CFAP44: variants seen among roughly 807,000 people sequenced by gnomAD.
CFAP44 encodes the protein cilia and flagella associated protein 44, also known as cilia- and flagella-associated protein 44.
A neutral mutation model predicts 216.2 loss-of-function variants in CFAP44; 134 were observed. The observed-to-expected ratio is 0.62, with a 90% CI of 0.54 to 0.72. The LOEUF is 0.72. Among genes scored for constraint, CFAP44 ranks in the 30% least tolerant of loss-of-function variants. The probability of loss-of-function intolerance (pLI) is 0.00; values close to 1 mark genes in which losing one functional copy is unlikely to be tolerated. For synonymous variants in CFAP44, 700 were observed against 727.6 expected, an observed-to-expected ratio of 0.96 and a Z score of 0.61; for missense variants, 2,035 against 2,182.1, an observed-to-expected ratio of 0.93 and a Z score of 1.34.
Position 113,401,582 on chromosome 3 carries a change from A to C in CFAP44, c.1326+2T>G. ...GAGCCAAGAGACAAGAATGCAACAC[A>C]CCTGAGCCAACCAAAAGTTATTTCC... On this transcript the variant is annotated splice_donor_variant, in intron 10 of 34. Coordinates refer to ENST00000393845, the MANE Select transcript of CFAP44 (RefSeq NM_001164496.2). LOFTEE classifies it high-confidence loss of function. 6.2e-7 allele frequency: 1 copy of C among 1,613,002 alleles called. No homozygotes were observed. The highest frequency in any genetic ancestry group is 8.5e-7 in the Non-Finnish European group (1 of 1,179,608).
At chr3:113,332,412 C>T (rs1234827942) in intron 25 of CFAP44, among the ~76,000 whole-genome samples, 2 of 152,170 alleles carry the variant, frequency 1.3e-5, no homozygotes, top group East Asian at 1.9e-4. Flanking sequence ...CAGAAAAAGA[C>T]ACCCCTTCCT....
At chr3:113,359,244 C>T (rs1950516930) in intron 21 of CFAP44, among the ~76,000 whole-genome samples, 1 of 152,130 alleles carries the variant, frequency 6.6e-6, no homozygotes, top group South Asian at 2.1e-4. Context: ...TCTGAACATC[C>T]CCCCTGGTGT....
intron 5 of CFAP44, 70 bp from the exon 6 acceptor site, chr3:113,416,697 T>A: frequency 9.4e-7 from 1 of 1,059,394 alleles, no homozygotes; most frequent in Non-Finnish European, 1.4e-6. Context: ...ATTAATGCAG[T>A]ATTTAGCATC....
At chr3:113,359,618 C>T (rs1950519685) in intron 21 of CFAP44, among the ~76,000 whole-genome samples, 1 of 151,810 alleles carries the variant, frequency 6.6e-6, no homozygotes, top group African/African-American at 2.4e-5. Context: ...TTTTTTTAAC[C>T]AACATGATTA....
In CFAP44 at chr3:113,328,695, T is replaced by TAAAAAAAAAAAAA. The variant is rs1950210721; in HGVS notation, c.4117-877_4117-876insTTTTTTTTTTTTT. Reference sequence around the variant, plus strand: ...AAACTACCAGAGAAATTTAGAGAGCTTAAAAAAAAAAAAAAAAAAAAAAAA... The same window carrying TAAAAAAAAAAAAA: ...AAACTACCAGAGAAATTTAGAGAGCTAAAAAAAAAAAAATAAAAAAAAAAAAAAAAAAAAAAAA... On this transcript the variant is annotated intron_variant, in intron 26 of 34. Coordinates refer to ENST00000393845, the MANE Select transcript of CFAP44 (RefSeq NM_001164496.2). Among the ~76,000 whole-genome samples, 66 of 72,326 alleles carry TAAAAAAAAAAAAA rather than the reference T, an allele frequency of 9.1e-4. 7 individuals are homozygous for TAAAAAAAAAAAAA. Among genetic ancestry groups the TAAAAAAAAAAAAA allele is most frequent in the African/African-American group, 2.3e-3 (49 of 21,394 alleles). The allele number at this position is 72,326 out of a possible 152,430, so 47.4% of individuals were successfully genotyped here. A position where few individuals can be genotyped will look rare whatever the true frequency, so the allele number is the denominator to read the frequency against.
At chr3:113,416,471 T>A (rs1199394858) in intron 6 of CFAP44, 54 bp downstream of exon 6, 1 of 1,373,456 alleles carries the variant, frequency 7.3e-7, no homozygotes, top group African/African-American at 1.5e-5. Context: ...CACACCTTCT[T>A]CAGAATGTTG....
intron 22 of CFAP44, among the ~76,000 whole-genome samples, chr3:113,355,246 C>T (rs528830685): frequency 1.3e-5 from 2 of 152,198 alleles, no homozygotes; most frequent in Admixed American, 6.5e-5. Context: ...TTAAGCCAGG[C>T]GTGGTGGCTC....
intron 6 of CFAP44, among the ~76,000 whole-genome samples, chr3:113,414,564 A>G (rs1035185886): frequency 1.3e-5 from 2 of 152,100 alleles, no homozygotes; most frequent in African/African-American, 4.8e-5. Flanking sequence ...GAGTTTTTGA[A>G]ATGAAGGGAT....
intron 24 of CFAP44, among the ~76,000 whole-genome samples, chr3:113,340,496 TCA>T (rs1442630856): frequency 1.3e-5 from 2 of 152,158 alleles, no homozygotes; most frequent in African/African-American, 4.8e-5. Flanking sequence ...TGGCATTCAC[TCA>T]CACTCACCTT....
intron 17 of CFAP44, among the ~76,000 whole-genome samples, chr3:113,375,415 A>G (rs1047114952): frequency 3.9e-5 from 6 of 152,218 alleles, no homozygotes; most frequent in Non-Finnish European, 8.8e-5. Context: ...TGGAACAGAG[A>G]TCAGAAAAAA....
chr3:113,353,312 A>G (rs899190378), intron 22 of CFAP44, among the ~76,000 whole-genome samples: 8 of 152,044 alleles, frequency 5.3e-5, no homozygotes, highest in Non-Finnish European at 1.0e-4. Flanking sequence ...CTTCAGCTGT[A>G]CTAAGACTGA....
At chr3:113,353,036 A>G (rs1559920603) in intron 22 of CFAP44, among the ~76,000 whole-genome samples, 1 of 152,198 alleles carries the variant, frequency 6.6e-6, no homozygotes, top group Non-Finnish European at 1.5e-5. Flanking sequence ...AGAGGATTTA[A>G]TAACAAGGAC....
At chr3:113,407,815 C>T (rs1455298950) in intron 7 of CFAP44, among the ~76,000 whole-genome samples, 2 of 152,068 alleles carry the variant, frequency 1.3e-5, no homozygotes, top group African/African-American at 4.8e-5. Flanking sequence ...TGATACAAAG[C>T]TAAAAGCCTA....
At position 113,287,719 on chromosome 3, in the gene CFAP44, C is replaced by G. The variant is rs896890660; in HGVS notation, c.*3838G>C. 2 of 152,238 alleles carry G rather than the reference C, an allele frequency of 1.3e-5. No individual in the cohort carries two copies. The highest frequency in any genetic ancestry group is 2.9e-5 in the Non-Finnish European group (2 of 68,040). The allele number at this position is 152,238 out of a possible 1,614,324, so 9.4% of individuals were successfully genotyped here. Reference sequence around the variant, plus strand: ...AACAGGTTCATAGTTCTCTTACCAACTGGACTTGAGATGAAGTTTAGGTCA... The same window carrying G: ...AACAGGTTCATAGTTCTCTTACCAAGTGGACTTGAGATGAAGTTTAGGTCA... On this transcript the variant is annotated 3_prime_UTR_variant, in exon 35 of 35. Coordinates refer to ENST00000393845, the MANE Select transcript of CFAP44 (RefSeq NM_001164496.2).
At chr3:113,379,778 T>G (rs1335386988) in intron 16 of CFAP44, among the ~76,000 whole-genome samples, 1 of 152,190 alleles carries the variant, frequency 6.6e-6, no homozygotes, top group East Asian at 1.9e-4. Context: ...ATAGAAATTA[T>G]TTGGTCATTT....
intron 18 of CFAP44, among the ~76,000 whole-genome samples, chr3:113,371,214 G>T (rs1476354084): frequency 6.6e-6 from 1 of 152,130 alleles, no homozygotes; most frequent in Non-Finnish European, 1.5e-5. Flanking sequence ...TTTCTTCACA[G>T]AATTGGAAAA....
intron 32 of CFAP44, among the ~76,000 whole-genome samples, chr3:113,298,987 TATG>T (rs1437829806): frequency 2.6e-5 from 4 of 152,208 alleles, no homozygotes; most frequent in African/African-American, 9.6e-5. Context: ...TCATAAATGT[TATG>T]ATATGTACAT....
rs1950257543 is a variant in CFAP44 at position 113,333,537 on chromosome 3, G to A, written c.3484C>T (p.Gln1162Ter). The change falls in exon 25 of 35, where the codon CAA (glutamine) becomes TAA (stop). Residue 1162 changes from glutamine to a stop codon, truncating the protein, a stop_gained. Coordinates refer to ENST00000393845, the MANE Select transcript of CFAP44 (RefSeq NM_001164496.2). LOFTEE classifies it high-confidence loss of function. ...TACACCTGGGCTTCTTTGATGGCTT[G>A]AAGATCTTTGGGATCTTCATAGTCA... ...GDDYEDPKDL[Q>*]AIKEAQVYMG... 3.9e-6 allele frequency: 6 copies of A among 1,536,876 alleles called. No individual in the cohort carries two copies. Among genetic ancestry groups the A allele is most frequent in the Non-Finnish European group, 5.2e-6 (6 of 1,146,820 alleles).
At chr3:113,434,394 C>A (rs1935186452) in intron 1 of CFAP44, 1 of 152,022 alleles carries the variant, frequency 6.6e-6, no homozygotes, top group Non-Finnish European at 1.5e-5. Flanking sequence ...GTCTATTGGC[C>A]AGAGTGGGAG....
Sources: gnomAD v4.1 joint callset for allele counts (sites outside exome capture counted in the v4.1 genomes callset) on GRCh38, gnomAD v4.1.1 for gene constraint, MANE v1.5 for transcripts, NCBI Gene and HGNC (gene_info 2026-07-23, HGNC 2026-07-21) for gene names.